TTC29: variants seen among roughly 807,000 people sequenced by gnomAD.
The protein encoded by TTC29 is tetratricopeptide repeat protein 29.
Under a neutral mutation model 58.1 loss-of-function variants are expected in TTC29, and 49 were observed. That is an observed-to-expected ratio of 0.84 (90% confidence interval 0.67 to 1.07). The LOEUF is 1.07. TTC29 is among the 50% of genes least tolerant of loss of function. TTC29 has a pLI of 0.00. For synonymous variants in TTC29, 209 were observed against 196.8 expected (o/e 1.06, Z -0.52); for missense variants, 582 against 555.6 (o/e 1.05, Z -0.48).
chr4:146,787,065 C>T (rs1220523456), intron 11 of TTC29, among the ~76,000 whole-genome samples: 3 of 152,056 alleles, frequency 2.0e-5, no homozygotes, highest in African/African-American at 7.2e-5. Flanking sequence ...TTTAAAGTCA[C>T]AGAACTGAAA....
At chr4:146,766,805 G>T (rs1747356733) in intron 11 of TTC29, among the ~76,000 whole-genome samples, 1 of 152,054 alleles carries the variant, frequency 6.6e-6, no homozygotes, top group Admixed American at 6.6e-5. Flanking sequence ...CCCTAGGTAG[G>T]TTAGAAGGGC....
chr4:146,738,526 G>A (rs1744889151), intron 11 of TTC29, among the ~76,000 whole-genome samples: 1 of 152,048 alleles, frequency 6.6e-6, no homozygotes, highest in Non-Finnish European at 1.5e-5. Context: ...TGCTCGAAGG[G>A]ATCTGTGGTT....
intron 2 of TTC29, among the ~76,000 whole-genome samples, chr4:146,943,630 A>G (rs1159641197): frequency 6.6e-6 from 1 of 152,214 alleles, no homozygotes; most frequent in African/African-American, 2.4e-5. Context: ...GTTTTACACA[A>G]CAGATAATGT....
chr4:146,878,544 G>C (rs1037768060), intron 6 of TTC29, among the ~76,000 whole-genome samples: 1 of 152,148 alleles, frequency 6.6e-6, no homozygotes, highest in African/African-American at 2.4e-5. Context: ...GTTTTCATAA[G>C]TGATGATTAG....
intron 6 of TTC29, among the ~76,000 whole-genome samples, chr4:146,891,445 T>G (rs1480220166): frequency 6.6e-6 from 1 of 152,142 alleles, no homozygotes; most frequent in Non-Finnish European, 1.5e-5. Flanking sequence ...TACTTCTGCT[T>G]TGGGGGACAG....
rs1454013515 is a variant in TTC29, at chr4:146,707,180, C to T, written c.1406G>A (p.Gly469Asp). The change falls in exon 13 of 13, where the codon GGT becomes GAT. Residue 469 changes from glycine to aspartate, a missense_variant. Physicochemically the swap from Gly to Asp is moderately conservative, Grantham distance 94. Coordinates refer to ENST00000325106, the MANE Select transcript of TTC29 (RefSeq NM_031956.4). ...GCTTTAAGTTTCATTTTTTTGATCACCTGGAAACCTGAAATAAAATAAATT... is the reference window on the plus strand; with the variant it reads ...GCTTTAAGTTTCATTTTTTTGATCATCTGGAAACCTGAAATAAAATAAATT... ...ERLEELSRFP[G>D]DQKNET 5 of 1,514,258 alleles carry T rather than the reference C, an allele frequency of 3.3e-6. No individual in the cohort carries two copies. The highest frequency in any genetic ancestry group is 2.5e-5 in the East Asian group (1 of 40,328). The allele number at this position is 1,514,258 out of a possible 1,614,324, so 93.8% of individuals were successfully genotyped here. A position where few individuals can be genotyped will look rare whatever the true frequency, so the allele number is the denominator to read the frequency against.
chr4:146,939,120 A>G (rs375486363), intron 3 of TTC29, among the ~76,000 whole-genome samples: 2 of 152,244 alleles, frequency 1.3e-5, no homozygotes, highest in East Asian at 1.9e-4. Context: ...TCCTTCTTCC[A>G]AAACAGAAGT....
intron 6 of TTC29, among the ~76,000 whole-genome samples, chr4:146,895,653 C>A (rs1732720114): frequency 2.0e-5 from 3 of 152,150 alleles, no homozygotes; most frequent in African/African-American, 7.2e-5. Flanking sequence ...AAGATTAATT[C>A]TGGGGGAGAA....
chr4:146,891,767 G>A, intron 6 of TTC29, among the ~76,000 whole-genome samples: 1 of 152,112 alleles, frequency 6.6e-6, no homozygotes, highest in African/African-American at 2.4e-5. Flanking sequence ...GAGTGTCTTG[G>A]GACATACAAG....
At chr4:146,924,706 G>T (rs55962704) in intron 4 of TTC29, among the ~76,000 whole-genome samples, 1 of 142,172 alleles carries the variant, frequency 7.0e-6, no homozygotes, top group African/African-American at 2.8e-5. Context: ...TGGGTTTTTT[G>T]GTTGCTTTCT....
intron 2 of TTC29, chr4:146,942,797 G>T (rs1736532758): frequency 7.4e-6 from 4 of 541,816 alleles, no homozygotes; most frequent in Non-Finnish European, 1.3e-5. Flanking sequence ...ACTTGCCAAA[G>T]CATTATGCAG....
intron 8 of TTC29, among the ~76,000 whole-genome samples, chr4:146,866,738 G>C (rs1236279432): frequency 6.6e-6 from 1 of 151,906 alleles, no homozygotes; most frequent in Non-Finnish European, 1.5e-5. Flanking sequence ...CCCAAATATA[G>C]GAATTCTACT....
chr4:146,780,501 T>C (rs1176494399), intron 11 of TTC29, among the ~76,000 whole-genome samples: 5 of 152,064 alleles, frequency 3.3e-5, no homozygotes, highest in Admixed American at 1.3e-4. Context: ...AGGGATCATG[T>C]GTCCTGTTTG....
chr4:146,858,394 T>TGCCACA (rs1730008449), intron 8 of TTC29, among the ~76,000 whole-genome samples: 1 of 152,220 alleles, frequency 6.6e-6, no homozygotes, highest in South Asian at 2.1e-4. Flanking sequence ...CCACTTATAA[T>TGCCACA]TAGAATGCCA....
intron 11 of TTC29, among the ~76,000 whole-genome samples, chr4:146,727,037 G>C (rs115610883): frequency 0.011 from 1,639 of 151,384 alleles, 10 homozygotes; most frequent in Non-Finnish European, 0.017. Context: ...TACTCTTTCA[G>C]ATACGTTCCA....
intron 11 of TTC29, among the ~76,000 whole-genome samples, chr4:146,710,933 G>A (rs1261153703): frequency 6.6e-6 from 1 of 151,868 alleles, no homozygotes; most frequent in Non-Finnish European, 1.5e-5. Context: ...GAAAACAATG[G>A]AATATAATAT....
intron 9 of TTC29, among the ~76,000 whole-genome samples, chr4:146,825,052 G>T (rs1442281438): frequency 6.6e-6 from 1 of 151,920 alleles, no homozygotes; most frequent in Non-Finnish European, 1.5e-5. Flanking sequence ...CATAAAACCA[G>T]CTCCTGGATT....
At position 146,706,901 on chromosome 4, in the gene TTC29, A is replaced by G; in HGVS notation, c.*257T>C. On this transcript the variant is annotated 3_prime_UTR_variant, in exon 13 of 13. Transcript: ENST00000325106. ...ATGGTATCACTATTTCTTGTGGAAT[A>G]GTGGATAAGAGGAAATCATTTATTT... 1 of 312,988 alleles carries G rather than the reference A, an allele frequency of 3.2e-6. No individual in the cohort carries two copies. Among genetic ancestry groups the G allele is most frequent in the East Asian group, 5.0e-5 (1 of 19,836 alleles). 19.4% of individuals were successfully genotyped at this position (312,988 alleles called of 1,614,324 possible).
intron 6 of TTC29, among the ~76,000 whole-genome samples, chr4:146,895,341 A>T (rs1262183154): frequency 6.6e-6 from 1 of 152,210 alleles, no homozygotes; most frequent in Non-Finnish European, 1.5e-5. Flanking sequence ...CCCAAGATCC[A>T]TGACAAGGTA....
Sources: gnomAD v4.1 joint callset for allele counts (sites outside exome capture counted in the v4.1 genomes callset) on GRCh38, gnomAD v4.1.1 for gene constraint, MANE v1.5 for transcripts, NCBI Gene and HGNC (gene_info 2026-07-23, HGNC 2026-07-21) for gene names.